PRR16: variants seen among roughly 807,000 people sequenced by gnomAD.
The protein encoded by PRR16 is protein Largen.
Under a neutral mutation model 18.2 loss-of-function variants are expected in PRR16, and 6 were observed. The observed-to-expected ratio is 0.33, with a 90% confidence interval of 0.18 to 0.65. The LOEUF (loss-of-function observed/expected upper bound fraction) is 0.65, where lower values mean the gene tolerates loss of function less well. Among genes scored for constraint, PRR16 ranks in the 30% least tolerant of loss-of-function variants. The pLI, the probability that PRR16 is intolerant of heterozygous loss-of-function variation, is 0.74. For synonymous variants in PRR16, 151 were observed against 147.8 expected (o/e 1.02, Z -0.16); for missense variants, 412 against 376.6 (o/e 1.09, Z -0.78).
chr5:120,614,542 A>C lies in PRR16; in HGVS notation c.160-71412A>C, dbSNP rs537670128. On this transcript the variant is annotated intron_variant, in intron 1 of 1. Transcript: ENST00000407149. ...GAAAACACTTTAATGATTTACTTCAAACATTCACCAGATAATTTTCAAGCC... is the reference window on the plus strand; with the variant it reads ...GAAAACACTTTAATGATTTACTTCACACATTCACCAGATAATTTTCAAGCC... Among the ~76,000 whole-genome samples the C allele has an allele frequency of 5.9e-5, 9 of 152,320 alleles. No homozygotes were observed. In the South Asian group the frequency reaches 1.9e-3, roughly 32 times the overall value.
At chr5:120,598,258 C>CT (rs1379620383) in intron 1 of PRR16, among the ~76,000 whole-genome samples, 4 of 151,564 alleles carry the variant, frequency 2.6e-5, no homozygotes, top group African/African-American at 7.3e-5. Flanking sequence ...TAGCAATCCT[C>CT]TTTTTTATAC....
At chr5:120,762,634 T>G in the PRR16 span, among the ~76,000 whole-genome samples, 1 of 152,176 alleles carries the variant, frequency 6.6e-6, no homozygotes, top group Non-Finnish European at 1.5e-5. Flanking sequence ...TTAAGGGCAT[T>G]GTTTTCTCCT....
At chr5:120,662,096 G>A (rs1756193232) in intron 1 of PRR16, among the ~76,000 whole-genome samples, 2 of 152,036 alleles carry the variant, frequency 1.3e-5, no homozygotes. Context: ...GCTACATCCT[G>A]ACATGGAATG....
At chr5:120,660,563 A>G (rs1053011986) in intron 1 of PRR16, among the ~76,000 whole-genome samples, 3 of 152,102 alleles carry the variant, frequency 2.0e-5, no homozygotes, top group African/African-American at 4.8e-5. Flanking sequence ...AATGATCCAG[A>G]TTTAAGACAT....
intron 1 of PRR16, among the ~76,000 whole-genome samples, chr5:120,587,618 A>G (rs1753489503): frequency 1.3e-5 from 2 of 152,184 alleles, no homozygotes; most frequent in Non-Finnish European, 2.9e-5. Context: ...AAACTGCATA[A>G]ATTAAGACTA....
the PRR16 span, among the ~76,000 whole-genome samples, chr5:120,746,619 A>C: frequency 1.3e-5 from 2 of 152,192 alleles, no homozygotes; most frequent in Non-Finnish European, 2.9e-5. Context: ...ATTGCTTGGG[A>C]AGTTTTAAAA....
chr5:120,492,921 T>A (rs1213504215), intron 1 of PRR16, among the ~76,000 whole-genome samples: 2 of 152,236 alleles, frequency 1.3e-5, no homozygotes, highest in African/African-American at 2.4e-5. Flanking sequence ...TAGTAGTCCA[T>A]GGTGTTTATA....
At chr5:120,731,144 T>C in the PRR16 span, among the ~76,000 whole-genome samples, 1 of 152,108 alleles carries the variant, frequency 6.6e-6, no homozygotes, top group Non-Finnish European at 1.5e-5. Flanking sequence ...GATCTCAGAA[T>C]CTAACAAGTT....
chr5:120,723,983 A>C, the PRR16 span, among the ~76,000 whole-genome samples: 66 of 151,658 alleles, frequency 4.4e-4, no homozygotes, highest in African/African-American at 1.1e-3. Context: ...TAAAAAAAAA[A>C]CACAAAACTA....
the PRR16 span, among the ~76,000 whole-genome samples, chr5:120,770,692 TA>T: frequency 6.6e-6 from 1 of 151,950 alleles, no homozygotes; most frequent in Non-Finnish European, 1.5e-5. Flanking sequence ...GGTTGATTTA[TA>T]AAAAATATAG....
chr5:120,750,343 G>T, the PRR16 span, among the ~76,000 whole-genome samples: 1 of 151,996 alleles, frequency 6.6e-6, no homozygotes, highest in Non-Finnish European at 1.5e-5. Flanking sequence ...CAACATATTG[G>T]ATAACACTTC....
chr5:120,682,612 G>A (rs948337238), intron 1 of PRR16, among the ~76,000 whole-genome samples: 24 of 152,134 alleles, frequency 1.6e-4, no homozygotes, highest in African/African-American at 5.6e-4. Context: ...TAAAATGTGT[G>A]GGGTAGATAA....
intron 1 of PRR16, among the ~76,000 whole-genome samples, chr5:120,478,409 C>T (rs1452870251): frequency 6.6e-6 from 1 of 152,130 alleles, no homozygotes; most frequent in Admixed American, 6.6e-5. Context: ...ATCTCATTCC[C>T]ATTCAACTCA....
At chr5:120,647,183 A>G (rs1755630075) in intron 1 of PRR16, among the ~76,000 whole-genome samples, 1 of 151,968 alleles carries the variant, frequency 6.6e-6, no homozygotes, top group Non-Finnish European at 1.5e-5. Context: ...GGAGAAGTAT[A>G]GAATGGGAAT....
At chr5:120,750,599 G>A in the PRR16 span, among the ~76,000 whole-genome samples, 19 of 152,030 alleles carry the variant, frequency 1.2e-4, no homozygotes, top group Admixed American at 3.9e-4. Flanking sequence ...CATGGGAGGC[G>A]GAGGTTGCAG....
rs1254346559 is a variant in PRR16 at position 120,500,911 on chromosome 5, A to G, written c.159+36266A>G. On this transcript the variant is annotated intron_variant, in intron 1 of 1. Transcript: ENST00000407149. ...TTTCTTTTTTTATCTTATAAATTAG[A>G]TAGAATTTAATTATTGGATAACACT... Among the ~76,000 whole-genome samples, 3 of 152,028 alleles carry G rather than the reference A, an allele frequency of 2.0e-5. No homozygotes were observed. The East Asian group carries it at 5.8e-4, about 29-fold the overall frequency.
intron 1 of PRR16, among the ~76,000 whole-genome samples, chr5:120,632,254 T>A (rs756928691): frequency 2.0e-5 from 3 of 152,196 alleles, no homozygotes; most frequent in Non-Finnish European, 4.4e-5. Flanking sequence ...ATCTTCTGTC[T>A]GACATAATCT....
chr5:120,480,931 T>C (rs1749590012), intron 1 of PRR16, among the ~76,000 whole-genome samples: 1 of 152,160 alleles, frequency 6.6e-6, no homozygotes, highest in Non-Finnish European at 1.5e-5. Context: ...ATATTCTTTT[T>C]TTTCACTCTG....
At chr5:120,652,052 G>C (rs1037836982) in intron 1 of PRR16, among the ~76,000 whole-genome samples, 1 of 152,034 alleles carries the variant, frequency 6.6e-6, no homozygotes, top group South Asian at 2.1e-4. Flanking sequence ...CACGTCCCTT[G>C]TAAGTCAAAT....
Sources: allele counts gnomAD v4.1 joint callset (sites outside exome capture counted in the v4.1 genomes callset), GRCh38; gene constraint gnomAD v4.1.1; transcripts MANE v1.5; gene names NCBI Gene and HGNC (gene_info 2026-07-23, HGNC 2026-07-21).